The following RGS5 variants were observed in gnomAD, a reference collection of about 807,000 sequenced individuals.
The protein encoded by RGS5 is regulator of G protein signaling 5.
Under a neutral mutation model 18.9 loss-of-function variants are expected in RGS5, and 20 were observed. The observed-to-expected ratio is 1.06, with a 90% CI of 0.74 to 1.54. RGS5 has a LOEUF of 1.54. Ranked by LOEUF, RGS5 falls within the 40% of genes most tolerant of loss-of-function variation. The pLI is 0.00. For synonymous variants in RGS5, 57 were observed against 76.2 expected (o/e 0.75, Z 1.31); for missense variants, 201 against 211.8 (o/e 0.95, Z 0.32).
intron 2 of RGS5, among the ~76,000 whole-genome samples, chr1:163,258,330 G>A (rs1032960180): frequency 7.9e-5 from 12 of 152,138 alleles, no homozygotes; most frequent in Admixed American, 2.0e-4. Context: ...ACTTGTGGGT[G>A]GATGGAATAT....
chr1:163,250,044 T>C (rs1648065726), intron 2 of RGS5, among the ~76,000 whole-genome samples: 1 of 152,180 alleles, frequency 6.6e-6, no homozygotes, highest in African/African-American at 2.4e-5. Flanking sequence ...CTGGAAGTAC[T>C]CAGCTAATTC....
At chr1:163,308,867 TAAAG>T (rs1649777122) in intron 1 of RGS5, among the ~76,000 whole-genome samples, 4 of 152,238 alleles carry the variant, frequency 2.6e-5, no homozygotes, top group Admixed American at 2.6e-4. Context: ...TCAGTGCATA[TAAAG>T]AGTTATGTTT....
At chr1:163,230,901 CCA>C (rs770224779) in intron 2 of RGS5, among the ~76,000 whole-genome samples, 7 of 152,286 alleles carry the variant, frequency 4.6e-5, no homozygotes, top group Non-Finnish European at 1.0e-4. Flanking sequence ...TTAAAAAAAT[CCA>C]CAGAGACACA....
chr1:163,192,168 A>G (rs1321263936), intron 1 of RGS5, among the ~76,000 whole-genome samples: 1 of 152,224 alleles, frequency 6.6e-6, no homozygotes. Flanking sequence ...GAGACATTAT[A>G]TAAATTATTG....
chr1:163,218,804 C>T (rs1335427684), upstream of RGS5, among the ~76,000 whole-genome samples: 1 of 152,054 alleles, frequency 6.6e-6, no homozygotes, highest in Non-Finnish European at 1.5e-5. Context: ...GAGATTGCCT[C>T]AGGATATTCT....
At chr1:163,271,482 G>C (rs1237934383) in intron 2 of RGS5, among the ~76,000 whole-genome samples, 2 of 152,162 alleles carry the variant, frequency 1.3e-5, no homozygotes, top group African/African-American at 4.8e-5. Flanking sequence ...GCCCTCACCA[G>C]ATAGAGAATC....
Position 163,143,974 on chromosome 1 carries a change from T to A in RGS5, c.*3368A>T, listed in dbSNP as rs1490405296. On this transcript the variant is annotated 3_prime_UTR_variant, in exon 5 of 5. Coordinates refer to ENST00000313961, the MANE Select transcript of RGS5 (RefSeq NM_003617.4). ...CAGAGCACACATCAACCAAATAAAA[T>A]CCATGGCTTTGTAAAGGATAAAAAA... is the stretch of plus-strand genomic sequence containing the variant. The A allele has an allele frequency of 1.3e-5, 2 of 152,126 alleles. No individual in the cohort carries two copies. The highest frequency in any genetic ancestry group is 4.8e-5 in the African/African-American group (2 of 41,506). 9.4% of individuals were successfully genotyped at this position (152,126 alleles called of 1,614,324 possible). A position where few individuals can be genotyped will look rare whatever the true frequency, so the allele number is the denominator to read the frequency against.
At chr1:163,153,312 A>G (rs1211462102) in intron 3 of RGS5, among the ~76,000 whole-genome samples, 1 of 152,178 alleles carries the variant, frequency 6.6e-6, no homozygotes, top group Non-Finnish European at 1.5e-5. Context: ...AAGTAGAAAG[A>G]AAATGAAGAA....
intron 1 of RGS5, among the ~76,000 whole-genome samples, chr1:163,188,081 G>A (rs988703411): frequency 1.3e-5 from 2 of 152,090 alleles, no homozygotes; most frequent in African/African-American, 4.8e-5. Flanking sequence ...AATACGGCTT[G>A]AGGAGAGTTT....
At chr1:163,224,550 T>C (rs949071421) in intron 2 of RGS5, among the ~76,000 whole-genome samples, 1 of 152,242 alleles carries the variant, frequency 6.6e-6, no homozygotes, top group Admixed American at 6.5e-5. Context: ...TGATTTCATT[T>C]CCTTTGGATA....
chr1:163,185,081 A>G (rs770710844), intron 1 of RGS5, among the ~76,000 whole-genome samples: 7 of 152,080 alleles, frequency 4.6e-5, no homozygotes, highest in Non-Finnish European at 1.0e-4. Flanking sequence ...CCTCTTTTGA[A>G]TTATCTGTTT....
intron 1 of RGS5, among the ~76,000 whole-genome samples, chr1:163,190,212 A>G (rs1302760087): frequency 1.3e-5 from 2 of 152,320 alleles, no homozygotes; most frequent in African/African-American, 4.8e-5. Flanking sequence ...TGAAAGCCCT[A>G]TACAGAGCTT....
At chr1:163,268,731 T>C (rs1367918434) in intron 2 of RGS5, among the ~76,000 whole-genome samples, 1 of 152,114 alleles carries the variant, frequency 6.6e-6, no homozygotes, top group African/African-American at 2.4e-5. Context: ...TCCTTGCCCA[T>C]TCATTCCTGA....
chr1:163,202,006 G>C (rs576907667), intron 1 of RGS5, among the ~76,000 whole-genome samples: 1 of 152,140 alleles, frequency 6.6e-6, no homozygotes, highest in African/African-American at 2.4e-5. Context: ...GCTTAGCCTA[G>C]ATACCTAGGA....
In RGS5 at chr1:163,143,944, G is replaced by C. The variant is rs781003577; in HGVS notation, c.*3398C>G. On this transcript the variant is annotated 3_prime_UTR_variant, in exon 5 of 5. Transcript: ENST00000313961. ...CAGCTCCATCCTATTGAAATGGCTTGTGTACAGAGCACACATCAACCAAAT... is the reference window on the plus strand; with the variant it reads ...CAGCTCCATCCTATTGAAATGGCTTCTGTACAGAGCACACATCAACCAAAT... The C allele has an allele frequency of 6.6e-6, 1 of 152,004 alleles. No individual in the cohort carries two copies. The highest frequency in any genetic ancestry group is 1.5e-5 in the Non-Finnish European group (1 of 67,986). 9.4% of individuals were successfully genotyped at this position (152,004 alleles called of 1,614,324 possible).
chr1:163,243,199 C>T (rs1301474469), intron 2 of RGS5, among the ~76,000 whole-genome samples: 1 of 152,074 alleles, frequency 6.6e-6, no homozygotes. Context: ...GAACAGAAAA[C>T]CAAACACCGC....
At chr1:163,240,806 T>C (rs569107682) in intron 2 of RGS5, among the ~76,000 whole-genome samples, 36 of 152,316 alleles carry the variant, frequency 2.4e-4, no homozygotes, top group Admixed American at 4.6e-4. Flanking sequence ...TGTGAGCCAC[T>C]GCACCAGGCC....
At chr1:163,223,684 G>T (rs373954150) in intron 2 of RGS5, among the ~76,000 whole-genome samples, 7 of 152,092 alleles carry the variant, frequency 4.6e-5, no homozygotes, top group Non-Finnish European at 1.0e-4. Flanking sequence ...TCTGGCAGAA[G>T]AACTCATCAA....
chr1:163,148,438 A>G (rs1657242405), intron 4 of RGS5, among the ~76,000 whole-genome samples: 1 of 152,226 alleles, frequency 6.6e-6, no homozygotes, highest in South Asian at 2.1e-4. Context: ...ACATTTATTG[A>G]GTGCTCGGTC....
Sources: gnomAD v4.1 joint callset for allele counts (sites outside exome capture counted in the v4.1 genomes callset) on GRCh38, gnomAD v4.1.1 for gene constraint, MANE v1.5 for transcripts, NCBI Gene and HGNC (gene_info 2026-07-23, HGNC 2026-07-21) for gene names.